FBH1: variants seen among roughly 807,000 people sequenced by gnomAD.
FBH1 encodes DNA 3'-5' helicase 1.
A neutral mutation model predicts 115.5 loss-of-function variants in FBH1; 43 were observed. The ratio of observed to expected loss-of-function variants is 0.37; its 90% CI spans 0.29 to 0.48. The LOEUF is 0.48. Among genes scored for constraint, FBH1 ranks in the 20% least tolerant of loss-of-function variants. The pLI, the probability that FBH1 is intolerant of heterozygous loss-of-function variation, is 0.99. For synonymous variants in FBH1, 524 were observed against 507.8 expected (o/e 1.03, Z -0.43); for missense variants, 1,001 against 1,337.3 (o/e 0.75, Z 3.92).
At chr10:5,904,351 G>T (rs1242930080) in intron 2 of FBH1, among the ~76,000 whole-genome samples, 1 of 152,092 alleles carries the variant, frequency 6.6e-6, no homozygotes, top group Non-Finnish European at 1.5e-5. Flanking sequence ...TTTAACTATT[G>T]TATGTTTCCT....
Position 5,924,148 on chromosome 10 carries a change from C to T in FBH1, c.2399-163C>T. The T allele has an allele frequency of 1.5e-6, 1 of 659,704 alleles. No individual in the cohort carries two copies. Among genetic ancestry groups the T allele is most frequent in the Non-Finnish European group, 2.6e-6 (1 of 380,082 alleles). The allele number at this position is 659,704 out of a possible 1,614,324, so 40.9% of individuals were successfully genotyped here. On this transcript the variant is annotated intron_variant, in intron 16 of 20. Transcript: ENST00000362091. This position sits in a 1 kb window ranked among gnomAD's most constrained non-coding sequence, Gnocchi z 6.2. ...GAGGCTACTGCACTGCACTGACTTG[C>T]CCAGGGACACACAGCGAGTTAGTGA...
In FBH1 at chr10:5,890,343, C is replaced by A; in HGVS notation, c.-3C>A. ...GCAGCGGGGTCCGGGTCCGGAGCGCCACAGTGCGTGAGGCCGCAGACGTGG... is the reference window on the plus strand; with the variant it reads ...GCAGCGGGGTCCGGGTCCGGAGCGCAACAGTGCGTGAGGCCGCAGACGTGG... On this transcript the variant is annotated 5_prime_UTR_variant, in exon 1 of 21. Coordinates refer to ENST00000362091, the MANE Select transcript of FBH1 (RefSeq NM_178150.3). The A allele has an allele frequency of 2.7e-6, 1 of 376,650 alleles. No individual in the cohort carries two copies. Among genetic ancestry groups the A allele is most frequent in the African/African-American group, 2.1e-5 (1 of 47,054 alleles). 23.3% of individuals were successfully genotyped at this position (376,650 alleles called of 1,614,324 possible).
intron 3 of FBH1, among the ~76,000 whole-genome samples, 161 bp from the exon 4 acceptor site, chr10:5,908,764 G>T (rs563520039): frequency 6.6e-6 from 1 of 152,182 alleles, no homozygotes; most frequent in Non-Finnish European, 1.5e-5. Context: ...GTGCCATCAT[G>T]CCTGGCTAAT....
In FBH1 at chr10:5,921,993, C is replaced by T. The variant is rs563878660; in HGVS notation, c.2322+424C>T. 2.0e-5 allele frequency among the ~76,000 whole-genome samples: 3 copies of T among 152,292 alleles called. No homozygotes were observed. Among genetic ancestry groups the T allele is most frequent in the South Asian group, 2.1e-4 (1 of 4,826 alleles). The stretch of plus-strand genomic sequence containing the variant: ...TGGGGCAAGTCACAACTTCTGTATG[C>T]CTCATTCTCTCCATCTCAGATAAAA... On this transcript the variant is annotated intron_variant, in intron 15 of 20. Coordinates refer to ENST00000362091, the MANE Select transcript of FBH1 (RefSeq NM_178150.3). The surrounding 1 kb of genome is among the most constrained non-coding windows in gnomAD (Gnocchi z 6.4).
Position 5,900,370 on chromosome 10 carries a change from T to TA in FBH1, c.2-2649dup, listed in dbSNP as rs923242081. ...GGTATGGCCGTAGACCTATCAGACT[T>TA]AGAGACCTGAGGTGCCCTGAAGCCA... On this transcript the variant is annotated intron_variant, in intron 1 of 20. Transcript: ENST00000362091. This position sits in a 1 kb window ranked among gnomAD's most constrained non-coding sequence, Gnocchi z 4.2. Among the ~76,000 whole-genome samples, 1 of 152,198 alleles carries TA rather than the reference T, an allele frequency of 6.6e-6. No homozygotes were observed. The highest frequency in any genetic ancestry group is 2.4e-5 in the African/African-American group (1 of 41,448).
At position 5,921,248 on chromosome 10, in the gene FBH1, T is replaced by C. The variant is rs765051259; in HGVS notation, c.2101-10T>C. On this transcript the variant is annotated splice_polypyrimidine_tract_variant and intron_variant, in intron 13 of 20. Transcript: ENST00000362091. The surrounding 1 kb of genome is among the most constrained non-coding windows in gnomAD (Gnocchi z 6.4). The stretch of plus-strand genomic sequence containing the variant: ...CGGGCTGCTGACTCCCTCTGTCTTG[T>C]TGTTTTCAGAGTTTTCGGTTTGGTG... 2 of 1,613,692 alleles carry C rather than the reference T, an allele frequency of 1.2e-6. No homozygotes were observed. Among genetic ancestry groups the C allele is most frequent in the East Asian group, 4.5e-5 (2 of 44,872 alleles).
intron 15 of FBH1, among the ~76,000 whole-genome samples, chr10:5,922,562 T>C (rs1352099777): frequency 1.3e-5 from 2 of 152,250 alleles, no homozygotes; most frequent in Non-Finnish European, 2.9e-5. Flanking sequence ...ACACCTCTCT[T>C]AAATCCACTT....
Position 5,910,824 on chromosome 10 carries a change from GTC to G in FBH1, c.1021-112_1021-111del. 2 of 879,500 alleles carry G rather than the reference GTC, an allele frequency of 2.3e-6. No homozygotes were observed. Among genetic ancestry groups the G allele is most frequent in the East Asian group, 5.2e-5 (2 of 38,174 alleles). The allele number at this position is 879,500 out of a possible 1,614,324, so 54.5% of individuals were successfully genotyped here. The stretch of plus-strand genomic sequence containing the variant: ...GGAAAGTTTGGATTCAGTCCAGACA[GTC>G]TGTAGCCAGCAGCTGGACCCGTGGC... On this transcript the variant is annotated intron_variant, in intron 5 of 20. Transcript: ENST00000362091. This position sits in a 1 kb window ranked among gnomAD's most constrained non-coding sequence, Gnocchi z 4.8.
At position 5,925,333 on chromosome 10, in the gene FBH1, G is replaced by A. The variant is rs1832580822; in HGVS notation, c.2597-34G>A. ...GTCATCTTGTTTCTTTCCCTTTGAA[G>A]CACCATCTAACGTGTGCTGTGTTTT... On this transcript the variant is annotated intron_variant, in intron 17 of 20. Transcript: ENST00000362091. The surrounding 1 kb of genome is among the most constrained non-coding windows in gnomAD (Gnocchi z 4.6). 1 of 1,605,346 alleles carries A rather than the reference G, an allele frequency of 6.2e-7. No individual in the cohort carries two copies. Among genetic ancestry groups the A allele is most frequent in the African/African-American group, 1.3e-5 (1 of 74,420 alleles).
intron 1 of FBH1, among the ~76,000 whole-genome samples, chr10:5,901,538 AG>A (rs1843346391): frequency 6.6e-6 from 1 of 151,094 alleles, no homozygotes; most frequent in Non-Finnish European, 1.5e-5. Flanking sequence ...TCTCCTATAA[AG>A]GCTAACTTTA....
chr10:5,912,835 A>C (rs1831686278), intron 6 of FBH1, among the ~76,000 whole-genome samples: 1 of 152,208 alleles, frequency 6.6e-6, no homozygotes, highest in Non-Finnish European at 1.5e-5. Context: ...CAGGAATTTC[A>C]AGGGACACAC....
chr10:5,909,371 A>G lies in FBH1; in HGVS notation c.1020+77A>G. ...GTGTACTGGTGATTCAGTTCAATTG[A>G]GGATGACTTTATATTTATTTTTAAT... is the stretch of plus-strand genomic sequence containing the variant. On this transcript the variant is annotated intron_variant, in intron 5 of 20. Coordinates refer to ENST00000362091, the MANE Select transcript of FBH1 (RefSeq NM_178150.3). This position sits in a 1 kb window ranked among gnomAD's most constrained non-coding sequence, Gnocchi z 4.4. 1 of 1,472,266 alleles carries G rather than the reference A, an allele frequency of 6.8e-7. No homozygotes were observed. Among genetic ancestry groups the G allele is most frequent in the Non-Finnish European group, 9.1e-7 (1 of 1,097,226 alleles). The allele number at this position is 1,472,266 out of a possible 1,614,324, so 91.2% of individuals were successfully genotyped here. A position where few individuals can be genotyped will look rare whatever the true frequency, so the allele number is the denominator to read the frequency against.
Position 5,923,479 on chromosome 10 carries a change from C to T in FBH1, c.2323-142C>T. The T allele has an allele frequency of 1.5e-6, 1 of 660,288 alleles. No individual in the cohort carries two copies. The highest frequency in any genetic ancestry group is 2.9e-5 in the East Asian group (1 of 34,740). 40.9% of individuals were successfully genotyped at this position (660,288 alleles called of 1,614,324 possible). A position where few individuals can be genotyped will look rare whatever the true frequency, so the allele number is the denominator to read the frequency against. ...CTTGCCGCCTGTGCTTTGGGTGTCACTCAAGATCCATTTCCAAGAAACCAT... is the reference window on the plus strand; with the variant it reads ...CTTGCCGCCTGTGCTTTGGGTGTCATTCAAGATCCATTTCCAAGAAACCAT... On this transcript the variant is annotated intron_variant, in intron 15 of 20. Coordinates refer to ENST00000362091, the MANE Select transcript of FBH1 (RefSeq NM_178150.3). The surrounding 1 kb of genome is among the most constrained non-coding windows in gnomAD (Gnocchi z 5.7).
chr10:5,906,666 C>T lies in FBH1; in HGVS notation c.753+34C>T. 2 of 1,534,024 alleles carry T rather than the reference C, an allele frequency of 1.3e-6. No homozygotes were observed. The highest frequency in any genetic ancestry group is 1.8e-6 in the Non-Finnish European group (2 of 1,130,082). ...GTGCTGGAGTCGGGAGATGTTTCCT[C>T]TAAAAGCACGTAACTTTGCTTAATG... is the stretch of plus-strand genomic sequence containing the variant. On this transcript the variant is annotated intron_variant, in intron 3 of 20. Transcript: ENST00000362091. The surrounding 1 kb of genome is among the most constrained non-coding windows in gnomAD (Gnocchi z 7.3).
rs1279144801 is a variant in FBH1 at position 5,923,916 on chromosome 10, C to G, written c.2398+220C>G. ...TCCTCACAGGAGCCTCAGTCTCTTTCCAACACTGGTCCCATAGACTGTCTT... is the reference window on the plus strand; with the variant it reads ...TCCTCACAGGAGCCTCAGTCTCTTTGCAACACTGGTCCCATAGACTGTCTT... On this transcript the variant is annotated intron_variant, in intron 16 of 20. Transcript: ENST00000362091. This position sits in a 1 kb window ranked among gnomAD's most constrained non-coding sequence, Gnocchi z 5.7. 5 of 586,226 alleles carry G rather than the reference C, an allele frequency of 8.5e-6. No individual in the cohort carries two copies. Among genetic ancestry groups the G allele is most frequent in the Non-Finnish European group, 1.5e-5 (5 of 331,492 alleles). The allele number at this position is 586,226 out of a possible 1,614,324, so 36.3% of individuals were successfully genotyped here. A position where few individuals can be genotyped will look rare whatever the true frequency, so the allele number is the denominator to read the frequency against.
chr10:5,891,277 A>G (rs1204397906), intron 1 of FBH1, among the ~76,000 whole-genome samples: 3 of 152,214 alleles, frequency 2.0e-5, no homozygotes, highest in Non-Finnish European at 2.9e-5. Context: ...TGGTTAAGGT[A>G]ACAGTGATGT....
intron 6 of FBH1, among the ~76,000 whole-genome samples, chr10:5,912,609 G>C (rs1484396452): frequency 1.3e-5 from 2 of 152,162 alleles, no homozygotes; most frequent in Non-Finnish European, 1.5e-5. Flanking sequence ...GCCAGGCATC[G>C]GTGGCAAGGT....
chr10:5,906,485 C>G lies in FBH1; in HGVS notation c.606C>G (p.Thr202=), dbSNP rs142688496. The G allele has an allele frequency of 4.3e-5, 69 of 1,614,140 alleles. No individual in the cohort carries two copies. The African/African-American group carries it at 8.7e-4, about 20-fold the overall frequency. The stretch of plus-strand genomic sequence containing the variant: ...ACTCATACTATGGGCTTCTTGGGAC[C>G]TTGCCCTGCCAGGAAGCACTGAGCC... The part of the protein sequence containing the change: ...IPDSYYGLLG[T]LPCQEALSHI... The change falls in exon 3 of 21, where the codon ACC becomes ACG. Residue 202 remains threonine, a synonymous_variant. Transcript: ENST00000362091. The surrounding 1 kb of genome is among the most constrained non-coding windows in gnomAD (Gnocchi z 7.3).
chr10:5,925,589 G>A lies in FBH1; in HGVS notation c.2722+97G>A. On this transcript the variant is annotated intron_variant, in intron 18 of 20. Coordinates refer to ENST00000362091, the MANE Select transcript of FBH1 (RefSeq NM_178150.3). The surrounding 1 kb of genome is among the most constrained non-coding windows in gnomAD (Gnocchi z 4.6). ...GGCCTTGTTGTTTGTTGGATGGTGT[G>A]GCCTCCTGGTAGGGCACTTCTGGAA... is the stretch of plus-strand genomic sequence containing the variant. 5 of 1,533,926 alleles carry A rather than the reference G, an allele frequency of 3.3e-6. No individual in the cohort carries two copies. The highest frequency in any genetic ancestry group is 4.4e-6 in the Non-Finnish European group (5 of 1,134,108).
Sources: gnomAD v4.1 joint callset for allele counts (sites outside exome capture counted in the v4.1 genomes callset) on GRCh38, gnomAD v4.1.1 for gene constraint, Gnocchi (gnomAD v3.1) non-coding constraint, MANE v1.5 for transcripts, NCBI Gene and HGNC (gene_info 2026-07-23, HGNC 2026-07-21) for gene names.